Variants in ZNF254 observed in about 807,000 individuals in gnomAD.
The protein encoded by ZNF254 is zinc finger protein 254.
A neutral mutation model predicts 12.4 loss-of-function variants in ZNF254; 10 were observed. The observed-to-expected ratio is 0.80, with a 90% CI of 0.50 to 1.36. The LOEUF (loss-of-function observed/expected upper bound fraction) is 1.36, where lower values mean the gene tolerates loss of function less well. Among genes scored for constraint, ZNF254 ranks in the 40% most tolerant of loss-of-function variants. ZNF254 has a pLI of 0.00. For synonymous variants in ZNF254, 305 were observed against 253.4 expected (o/e 1.20, Z -1.93); for missense variants, 996 against 763.9 (o/e 1.30, Z -3.58).
intron 3 of ZNF254, among the ~76,000 whole-genome samples, chr19:24,121,754 A>G (rs1318544317): frequency 6.6e-6 from 1 of 151,936 alleles, no homozygotes; most frequent in Non-Finnish European, 1.5e-5. Context: ...GACAGAGTTT[A>G]CCATGTTGGC....
At chr19:24,125,288 T>G (rs1368240628) in intron 3 of ZNF254, among the ~76,000 whole-genome samples, 1 of 151,696 alleles carries the variant, frequency 6.6e-6, no homozygotes, top group Non-Finnish European at 1.5e-5. Flanking sequence ...CCACAATTTG[T>G]TTTTTGATAT....
chr19:24,090,637 A>G (rs1972316400), intron 1 of ZNF254, among the ~76,000 whole-genome samples: 1 of 152,066 alleles, frequency 6.6e-6, no homozygotes. Context: ...GAGTTTCACC[A>G]TGTTAGCTAG....
intron 3 of ZNF254, among the ~76,000 whole-genome samples, chr19:24,113,211 G>A (rs375530811): frequency 2.0e-5 from 3 of 152,034 alleles, no homozygotes; most frequent in African/African-American, 2.4e-5. Flanking sequence ...TACCAAAGCC[G>A]GGCAGAGACA....
intron 1 of ZNF254, among the ~76,000 whole-genome samples, chr19:24,042,722 GGTTAT>G (rs1412874872): frequency 6.6e-6 from 1 of 152,138 alleles, no homozygotes; most frequent in Non-Finnish European, 1.5e-5. Flanking sequence ...CTTCCCTACA[GGTTAT>G]GTTTTTTCAT....
At chr19:24,036,173 T>C (rs1364644404) in intron 1 of ZNF254, among the ~76,000 whole-genome samples, 1 of 152,158 alleles carries the variant, frequency 6.6e-6, no homozygotes, top group Non-Finnish European at 1.5e-5. Flanking sequence ...ACCTTTCTCC[T>C]GCCTCAGCCT....
At chr19:24,081,981 G>A (rs1971860064) in intron 2 of ZNF254, among the ~76,000 whole-genome samples, 1 of 152,010 alleles carries the variant, frequency 6.6e-6, no homozygotes, top group African/African-American at 2.4e-5. Flanking sequence ...AAATTAGCTG[G>A]GTGTGGTGGT....
chr19:24,087,214 C>T lies in ZNF254; in HGVS notation c.-94C>T. ...CTTTGTCTCTCGCTGTCGCCGGAGT[C>T]CCAGGTCTGTCTTCACTGCTCTGTG... is the stretch of plus-strand genomic sequence containing the variant. On this transcript the variant is annotated 5_prime_UTR_variant, in exon 1 of 4. Coordinates refer to ENST00000357002, the MANE Select transcript of ZNF254 (RefSeq NM_203282.4). The T allele has an allele frequency of 1.9e-6, 3 of 1,564,716 alleles. No individual in the cohort carries two copies. The highest frequency in any genetic ancestry group is 3.4e-5 in the Admixed American group (2 of 59,258).
intron 2 of ZNF254, among the ~76,000 whole-genome samples, chr19:24,067,972 C>T (rs993721759): frequency 6.6e-6 from 1 of 152,182 alleles, no homozygotes; most frequent in African/African-American, 2.4e-5. Context: ...GTCAGTGGGT[C>T]CAGCACCTAG....
chr19:24,106,281 A>G (rs1973335583), intron 2 of ZNF254: 1 of 659,908 alleles, frequency 1.5e-6, no homozygotes, highest in African/African-American at 1.9e-5. Context: ...GATTAAGGCT[A>G]ATTTCAGAAG....
In ZNF254 at chr19:24,105,975, C is replaced by A; in HGVS notation, c.66C>A (p.Phe22Leu). The A allele has an allele frequency of 1.3e-6, 2 of 1,599,204 alleles. No individual in the cohort carries two copies. The highest frequency in any genetic ancestry group is 1.1e-5 in the South Asian group (1 of 90,956). ...LLTFRDVAIE[F>L]SLEEWQHLDI... Reference sequence around the variant, plus strand: ...CATTTAGGGATGTGGCCATAGAATTCTCTCTGGAGGAGTGGCAACACCTGG... The same window carrying A: ...CATTTAGGGATGTGGCCATAGAATTATCTCTGGAGGAGTGGCAACACCTGG... The change falls in exon 2 of 4, where the codon TTC becomes TTA. Residue 22 changes from phenylalanine (F) to leucine (L), a missense_variant. Coordinates refer to ENST00000357002, the MANE Select transcript of ZNF254 (RefSeq NM_203282.4).
rs550410253 is a variant in ZNF254, at chr19:24,117,362, C to T, written c.254-8892C>T. Among the ~76,000 whole-genome samples, 898 of 152,254 alleles carry T rather than the reference C, an allele frequency of 5.9e-3. 11 individuals are homozygous for T. The highest frequency in any genetic ancestry group is 0.02 in the Middle Eastern group (6 of 294). ...TGGGCTCCACCCAGTTTGAGCTTCC[C>T]GGCTGCTTTGTTTACCTAAGGAAGC... On this transcript the variant is annotated intron_variant, in intron 3 of 3. Coordinates refer to ENST00000357002, the MANE Select transcript of ZNF254 (RefSeq NM_203282.4).
chr19:24,067,221 A>C (rs1971308660), intron 2 of ZNF254, among the ~76,000 whole-genome samples: 1 of 151,540 alleles, frequency 6.6e-6, no homozygotes, highest in African/African-American at 2.4e-5. Flanking sequence ...CTCCTCTCTT[A>C]TCTTCACTTT....
intron 3 of ZNF254, among the ~76,000 whole-genome samples, chr19:24,107,548 AGT>A (rs1437946834): frequency 2.0e-5 from 3 of 152,010 alleles, no homozygotes; most frequent in East Asian, 3.9e-4. Context: ...TAATTAACTG[AGT>A]GTATTCATTA....
Position 24,127,447 on chromosome 19 carries a change from A to C in ZNF254, c.1447A>C (p.Met483Leu), listed in dbSNP as rs755328629. 1.2e-6 allele frequency: 2 copies of C among 1,612,772 alleles called. No homozygotes were observed. The highest frequency in any genetic ancestry group is 1.1e-5 in the South Asian group (1 of 91,058). Residue 483 changes from methionine to leucine, a missense_variant, in exon 4 of 4, where the codon ATG becomes CTG. Coordinates refer to ENST00000357002, the MANE Select transcript of ZNF254 (RefSeq NM_203282.4). Reference sequence around the variant, plus strand: ...CTCAACCCTAACTAGACATAAGAGGATGCACACTGGAGAGAAACCCTACAA... The same window carrying C: ...CTCAACCCTAACTAGACATAAGAGGCTGCACACTGGAGAGAAACCCTACAA... Reference protein sequence around the residue: ...WSSTLTRHKRMHTGEKPYKCE... With the variant: ...WSSTLTRHKRLHTGEKPYKCE...
intron 3 of ZNF254, among the ~76,000 whole-genome samples, chr19:24,117,024 C>G (rs542903773): frequency 1.3e-5 from 2 of 152,114 alleles, no homozygotes; most frequent in Non-Finnish European, 2.9e-5. Flanking sequence ...TCGTGAACCG[C>G]GAATACTGCT....
intron 1 of ZNF254, among the ~76,000 whole-genome samples, 187 bp downstream of exon 1, chr19:24,087,524 T>C (rs1659834543): frequency 6.6e-6 from 1 of 152,108 alleles, no homozygotes; most frequent in African/African-American, 2.4e-5. Context: ...GTCCTGTTTC[T>C]TCCCTGCGCA....
At chr19:24,102,759 T>C (rs1368149125) in intron 1 of ZNF254, among the ~76,000 whole-genome samples, 1 of 152,234 alleles carries the variant, frequency 6.6e-6, no homozygotes, top group Non-Finnish European at 1.5e-5. Flanking sequence ...TTTCTGTTCC[T>C]GCAGATATAG....
At chr19:24,075,217 T>G (rs944959218) in intron 2 of ZNF254, among the ~76,000 whole-genome samples, 38 of 152,304 alleles carry the variant, frequency 2.5e-4, no homozygotes, top group Admixed American at 1.0e-3. Context: ...TCTCTTTTTT[T>G]GGGGGAGGGG....
intron 2 of ZNF254, among the ~76,000 whole-genome samples, chr19:24,082,061 T>C (rs1028370059): frequency 3.3e-5 from 5 of 151,700 alleles, no homozygotes; most frequent in Admixed American, 6.6e-5. Flanking sequence ...AGGCAGAGGT[T>C]GCAGTGAACC....
Sources: gnomAD v4.1 joint callset for allele counts (sites outside exome capture counted in the v4.1 genomes callset) on GRCh38, gnomAD v4.1.1 for gene constraint, MANE v1.5 for transcripts, NCBI Gene and HGNC (gene_info 2026-07-23, HGNC 2026-07-21) for gene names.